PLG: variants seen among roughly 807,000 people sequenced by gnomAD.
The protein encoded by PLG is plasmin.
In PLG, 41 loss-of-function variants were observed where a neutral mutation model predicts 104.4. That is an observed-to-expected ratio of 0.39 (90% CI 0.31 to 0.51). The LOEUF (loss-of-function observed/expected upper bound fraction) is 0.51. Among genes scored for constraint, PLG ranks in the 20% least tolerant of loss-of-function variants. The pLI, the probability that PLG is intolerant of heterozygous loss-of-function variation, is 0.76. For missense variants in PLG, 891 were observed against 1,003.6 expected (o/e 0.89, Z 1.52); for synonymous variants, 337 against 357.1 (o/e 0.94, Z 0.63).
intron 5 of PLG, among the ~76,000 whole-genome samples, chr6:160,713,924 T>A (rs1356525229): frequency 2.0e-5 from 3 of 152,216 alleles, no homozygotes; most frequent in African/African-American, 7.2e-5. Context: ...CATTTCTGGC[T>A]ACATTAGTGC....
chr6:160,710,222 T>A (rs3896936), intron 3 of PLG, among the ~76,000 whole-genome samples: 4 of 152,164 alleles, frequency 2.6e-5, no homozygotes, highest in Admixed American at 2.0e-4. Flanking sequence ...AAATGATTCA[T>A]GTTTCAACTT....
In PLG at chr6:160,744,415, C is replaced by T. The variant is rs926875779; in HGVS notation, c.2125+2998C>T. Among the ~76,000 whole-genome samples the T allele has an allele frequency of 2.6e-5, 4 of 152,088 alleles. No individual in the cohort carries two copies. Among genetic ancestry groups the T allele is most frequent in the Admixed American group, 6.6e-5 (1 of 15,262 alleles). On this transcript the variant is annotated intron_variant, in intron 17 of 18. Transcript: ENST00000308192. The surrounding 1 kb of genome is among the most constrained non-coding windows in gnomAD (Gnocchi z 4.5). ...GGGTGTATGTGTCCAGGAATTTATC[C>T]ATCTCTTTTAGGTTTTCTAGTTTGT... is the stretch of plus-strand genomic sequence containing the variant.
At chr6:160,718,002 A>G (rs1777768520) in intron 7 of PLG, among the ~76,000 whole-genome samples, 1 of 152,204 alleles carries the variant, frequency 6.6e-6, no homozygotes, top group Non-Finnish European at 1.5e-5. Context: ...CTGTAATCCC[A>G]GCACTTCCGG....
chr6:160,745,146 T>C (rs1197983714), intron 17 of PLG, among the ~76,000 whole-genome samples: 2 of 152,068 alleles, frequency 1.3e-5, no homozygotes, highest in African/African-American at 2.4e-5. Flanking sequence ...GGAAAGAGAG[T>C]TGTGTAGAGG....
At chr6:160,727,482 T>G (rs1417344382) in intron 10 of PLG, among the ~76,000 whole-genome samples, 1 of 148,376 alleles carries the variant, frequency 6.7e-6, no homozygotes, top group Admixed American at 6.7e-5. Context: ...TGTAAAAAAG[T>G]AGACAAGGAT....
chr6:160,709,610 T>C (rs1777598997), intron 3 of PLG, among the ~76,000 whole-genome samples: 1 of 152,236 alleles, frequency 6.6e-6, no homozygotes, highest in African/African-American at 2.4e-5. Flanking sequence ...TTTGTCCTGC[T>C]GTGCCAGCTC....
rs1778245935 is a variant in PLG at position 160,744,397 on chromosome 6, T to G, written c.2125+2980T>G. 6.6e-6 allele frequency among the ~76,000 whole-genome samples: 1 copy of G among 152,202 alleles called. No homozygotes were observed. The highest frequency in any genetic ancestry group is 2.4e-5 in the African/African-American group (1 of 41,446). ...CCTGGTTCAGTCTTGGGAGGGTGTA[T>G]GTGTCCAGGAATTTATCCATCTCTT... On this transcript the variant is annotated intron_variant, in intron 17 of 18. Transcript: ENST00000308192. The surrounding 1 kb of genome is among the most constrained non-coding windows in gnomAD (Gnocchi z 4.5).
chr6:160,718,633 C>T, intron 8 of PLG, 60 bp from the exon 9 acceptor site: 4 of 1,552,824 alleles, frequency 2.6e-6, no homozygotes, highest in East Asian at 2.2e-5. Flanking sequence ...GTTCTCAAAG[C>T]GTGGTTCCCT....
chr6:160,713,379 G>C (rs867261367), intron 5 of PLG: 2 of 418,590 alleles, frequency 4.8e-6, no homozygotes, highest in Middle Eastern at 7.6e-4. Flanking sequence ...AAGAGATTCT[G>C]CTACCTCAGC....
rs930228051 is a variant in PLG at position 160,726,382 on chromosome 6, T to A, written c.1256+3815T>A. On this transcript the variant is annotated intron_variant, in intron 10 of 18. Coordinates refer to ENST00000308192, the MANE Select transcript of PLG (RefSeq NM_000301.5). The surrounding 1 kb of genome is among the most constrained non-coding windows in gnomAD (Gnocchi z 4.4). Reference sequence around the variant, plus strand: ...GAATTTAGAAAAGTTTTGAACTGAATAATAGTAAAAATACAACATATCAAA... The same window carrying A: ...GAATTTAGAAAAGTTTTGAACTGAAAAATAGTAAAAATACAACATATCAAA... Among the ~76,000 whole-genome samples, 20 of 152,060 alleles carry A rather than the reference T, an allele frequency of 1.3e-4. No homozygotes were observed. The highest frequency in any genetic ancestry group is 1.3e-3 in the Admixed American group (20 of 15,274).
At chr6:160,743,156 T>C (rs1036597901) in intron 17 of PLG, among the ~76,000 whole-genome samples, 1 of 152,082 alleles carries the variant, frequency 6.6e-6, no homozygotes, top group African/African-American at 2.4e-5. Context: ...TTTTTGGTTA[T>C]ATATAAATTT....
chr6:160,712,512 A>T (rs4252090), intron 4 of PLG, among the ~76,000 whole-genome samples: 37,870 of 152,106 alleles, frequency 0.25, 5,053 homozygotes, highest in Middle Eastern at 0.3. Context: ...CAGTTTTCTC[A>T]TCTGTAAAAT....
intron 4 of PLG, among the ~76,000 whole-genome samples, chr6:160,712,587 G>A (rs1284034796): frequency 6.6e-6 from 1 of 152,206 alleles, no homozygotes; most frequent in Non-Finnish European, 1.5e-5. Flanking sequence ...GTGGAAAGAT[G>A]TTAGTGGAAT....
Position 160,738,314 on chromosome 6 carries a change from TCCC to T in PLG, c.1803-221_1803-219del. 2 of 555,876 alleles carry T rather than the reference TCCC, an allele frequency of 3.6e-6. No individual in the cohort carries two copies. Among genetic ancestry groups the T allele is most frequent in the Non-Finnish European group, 6.6e-6 (2 of 302,250 alleles). The allele number at this position is 555,876 out of a possible 1,614,324, so 34.4% of individuals were successfully genotyped here. On this transcript the variant is annotated intron_variant, in intron 14 of 18. Transcript: ENST00000308192. The surrounding 1 kb of genome is among the most constrained non-coding windows in gnomAD (Gnocchi z 6.8). ...CCTGTGGACAGGCCATGCCTGTGCC[TCCC>T]CCAAGCATCGGAAAAATTGGCATAG... is the stretch of plus-strand genomic sequence containing the variant.
chr6:160,718,529 C>T lies in PLG; in HGVS notation c.950+73C>T, dbSNP rs1423201865. On this transcript the variant is annotated intron_variant, in intron 8 of 18. Coordinates refer to ENST00000308192, the MANE Select transcript of PLG (RefSeq NM_000301.5). ...ATTGACTTTGCCTTAGTTTTAGTTA[C>T]TGTAGGAACGCAGGATAAAGTATTC... is the stretch of plus-strand genomic sequence containing the variant. The T allele has an allele frequency of 2.1e-6, 3 of 1,401,994 alleles. No homozygotes were observed. In the East Asian group the frequency reaches 6.8e-5, roughly 32 times the overall value. The allele number at this position is 1,401,994 out of a possible 1,614,324, so 86.8% of individuals were successfully genotyped here.
At chr6:160,745,098 T>C (rs1778256264) in intron 17 of PLG, among the ~76,000 whole-genome samples, 1 of 152,176 alleles carries the variant, frequency 6.6e-6, no homozygotes, top group African/African-American at 2.4e-5. Context: ...TTAGAGTATG[T>C]GCCACATGGT....
At chr6:160,705,111 G>T (rs1777493534) in intron 1 of PLG, among the ~76,000 whole-genome samples, 1 of 152,126 alleles carries the variant, frequency 6.6e-6, no homozygotes, top group African/African-American at 2.4e-5. Flanking sequence ...AGTGGTCAAG[G>T]TTGTCCTGTT....
At position 160,741,315 on chromosome 6, in the gene PLG, G is replaced by A; in HGVS notation, c.2023G>A (p.Ala675Thr). 6.3e-7 allele frequency: 1 copy of A among 1,591,204 alleles called. No homozygotes were observed. Among genetic ancestry groups the A allele is most frequent in the Non-Finnish European group, 8.6e-7 (1 of 1,159,072 alleles). The change falls in exon 17 of 19, where the codon GCC (alanine) becomes ACC (threonine). Residue 675 changes from alanine (A) to threonine (T), a missense_variant. Coordinates refer to ENST00000308192, the MANE Select transcript of PLG (RefSeq NM_000301.5). This position sits in a 1 kb window ranked among gnomAD's most constrained non-coding sequence, Gnocchi z 4.7. ...DIALLKLSSP[A>T]VITDKVIPAC... The stretch of plus-strand genomic sequence containing the variant: ...CTGCTGATGCTTTTCTTTCAGTCCT[G>A]CCGTCATCACTGACAAAGTAATCCC...
chr6:160,735,058 G>A lies in PLG; in HGVS notation c.1681+970G>A, dbSNP rs1019368289. On this transcript the variant is annotated intron_variant, in intron 13 of 18. Transcript: ENST00000308192. This position sits in a 1 kb window ranked among gnomAD's most constrained non-coding sequence, Gnocchi z 5.4. Reference sequence around the variant, plus strand: ...TCCTAGGGACACCAAGAGGGAGGAAGGAGGGGTTAGGATGGTATGAAAGAT... The same window carrying A: ...TCCTAGGGACACCAAGAGGGAGGAAAGAGGGGTTAGGATGGTATGAAAGAT... 3.3e-5 allele frequency among the ~76,000 whole-genome samples: 5 copies of A among 152,180 alleles called. No homozygotes were observed. The South Asian group carries it at 1.0e-3, about 32-fold the overall frequency.
Sources: allele counts gnomAD v4.1 joint callset (sites outside exome capture counted in the v4.1 genomes callset), GRCh38; gene constraint gnomAD v4.1.1; non-coding constraint Gnocchi (gnomAD v3.1); transcripts MANE v1.5; gene names NCBI Gene and HGNC (gene_info 2026-07-23, HGNC 2026-07-21).